LRRC7: variants seen among roughly 807,000 people sequenced by gnomAD.
LRRC7 encodes leucine-rich repeat-containing protein 7.
In LRRC7, 23 loss-of-function variants were observed where a neutral mutation model predicts 175.7. That is an observed-to-expected ratio of 0.13 (90% CI 0.09 to 0.19). LRRC7 has a LOEUF of 0.19. Ranked by LOEUF, LRRC7 falls within the 10% of genes least tolerant of loss-of-function variation. LRRC7 has a pLI of 1.00. For synonymous variants in LRRC7, 685 were observed against 680.9 expected, an observed-to-expected ratio of 1.01 and a Z score of -0.09; for missense variants, 1,354 against 1,904.7, an observed-to-expected ratio of 0.71 and a Z score of 5.38.
intron 2 of LRRC7, among the ~76,000 whole-genome samples, chr1:69,714,331 T>C (rs1361655695): frequency 6.6e-6 from 1 of 152,222 alleles, no homozygotes; most frequent in Non-Finnish European, 1.5e-5. Flanking sequence ...TACTCTACAA[T>C]ATACCATCCC....
At chr1:70,026,782 A>G (rs1417726486) in intron 17 of LRRC7, among the ~76,000 whole-genome samples, 1 of 152,166 alleles carries the variant, frequency 6.6e-6, no homozygotes, top group East Asian at 1.9e-4. Context: ...TAATAATTTT[A>G]TATCTTTAAT....
At chr1:69,610,273 G>A (rs1344951980) in intron 1 of LRRC7, among the ~76,000 whole-genome samples, 1 of 151,852 alleles carries the variant, frequency 6.6e-6, no homozygotes, top group Non-Finnish European at 1.5e-5. Flanking sequence ...TTTCTCCTGT[G>A]AACTGATGGT....
At chr1:70,036,673 A>C in intron 20 of LRRC7, 49 bp downstream of exon 20, 1 of 1,536,728 alleles carries the variant, frequency 6.5e-7, no homozygotes, top group Non-Finnish European at 8.8e-7. Context: ...ATTTTCAGCA[A>C]CTTTTTAAAA....
In LRRC7 at chr1:69,697,624, C is replaced by T. The variant is rs144653586; in HGVS notation, c.100+19146C>T. ...ACTAATGATAAAATTGTCCCATCTGCCCCAAAACAACTATTTGCTTAGGAA... is the reference window on the plus strand; with the variant it reads ...ACTAATGATAAAATTGTCCCATCTGTCCCAAAACAACTATTTGCTTAGGAA... On this transcript the variant is annotated intron_variant, in intron 2 of 26. Transcript: ENST00000651989. Among the ~76,000 whole-genome samples, 291 of 152,306 alleles carry T rather than the reference C, an allele frequency of 1.9e-3. 1 individual carries two copies. Among genetic ancestry groups the T allele is most frequent in the African/African-American group, 6.7e-3 (280 of 41,558 alleles).
chr1:69,732,800 A>T (rs1203990426), intron 2 of LRRC7, among the ~76,000 whole-genome samples: 1 of 152,074 alleles, frequency 6.6e-6, no homozygotes, highest in African/African-American at 2.4e-5. Context: ...TGGGGCTGCA[A>T]CTGACACACT....
intron 1 of LRRC7, among the ~76,000 whole-genome samples, chr1:69,649,807 A>G (rs1655519963): frequency 6.6e-6 from 1 of 152,102 alleles, no homozygotes; most frequent in African/African-American, 2.4e-5. Flanking sequence ...GACATTACAA[A>G]ACGGCTTAAG....
intron 8 of LRRC7, among the ~76,000 whole-genome samples, chr1:69,932,720 C>T (rs564075129): frequency 1.3e-5 from 2 of 152,292 alleles, no homozygotes; most frequent in African/African-American, 4.8e-5. Context: ...AATTGCTAGT[C>T]TCTCATGTTC....
intron 8 of LRRC7, among the ~76,000 whole-genome samples, chr1:69,934,932 C>A (rs911127519): frequency 3.4e-4 from 51 of 152,078 alleles, no homozygotes; most frequent in African/African-American, 1.2e-3. Flanking sequence ...CACTTAAGGC[C>A]CCAACAACTC....
At chr1:69,617,472 G>A (rs1375914170) in intron 1 of LRRC7, among the ~76,000 whole-genome samples, 5 of 133,624 alleles carry the variant, frequency 3.7e-5, no homozygotes, top group African/African-American at 1.4e-4. Flanking sequence ...TCATTTATAA[G>A]AAGAATGTAT....
At chr1:69,781,762 AG>A (rs1375711867) in intron 3 of LRRC7, among the ~76,000 whole-genome samples, 7 of 55,136 alleles carry the variant, frequency 1.3e-4, no homozygotes, top group Admixed American at 2.0e-4. Flanking sequence ...AGAGAGAGAG[AG>A]AGAAAGAAAG....
At chr1:69,900,772 A>G (rs1646112956) in intron 7 of LRRC7, among the ~76,000 whole-genome samples, 1 of 152,166 alleles carries the variant, frequency 6.6e-6, no homozygotes, top group Non-Finnish European at 1.5e-5. Flanking sequence ...TTTTCACACT[A>G]GGGATATGCA....
At chr1:69,948,922 T>TAG (rs1553179751) in intron 8 of LRRC7, among the ~76,000 whole-genome samples, 1 of 152,148 alleles carries the variant, frequency 6.6e-6, no homozygotes, top group Non-Finnish European at 1.5e-5. Flanking sequence ...TTACTCATAT[T>TAG]AGAAGTCAGT....
chr1:69,808,978 A>G (rs953519100), intron 4 of LRRC7, among the ~76,000 whole-genome samples: 3 of 152,174 alleles, frequency 2.0e-5, no homozygotes, highest in Non-Finnish European at 2.9e-5. Flanking sequence ...AAAAAAATCA[A>G]TGAATCCAGG....
intron 2 of LRRC7, among the ~76,000 whole-genome samples, chr1:69,739,290 G>A (rs1158609649): frequency 2.0e-5 from 3 of 152,044 alleles, no homozygotes; most frequent in African/African-American, 7.2e-5. Context: ...TGGCCTTGCT[G>A]GGGGCTCGCA....
At chr1:70,069,970 G>C (rs1281023637) in intron 23 of LRRC7, among the ~76,000 whole-genome samples, 3 of 151,882 alleles carry the variant, frequency 2.0e-5, no homozygotes, top group Non-Finnish European at 4.4e-5. Flanking sequence ...TATATCTTCT[G>C]TTTCTTTGCT....
intron 7 of LRRC7, among the ~76,000 whole-genome samples, chr1:69,850,844 T>A (rs1682897034): frequency 6.6e-6 from 1 of 152,132 alleles, no homozygotes; most frequent in Non-Finnish European, 1.5e-5. Context: ...ACATAAATCA[T>A]CTGCTCAGGG....
chr1:69,784,651 C>T (rs1419085400), intron 3 of LRRC7, among the ~76,000 whole-genome samples: 2 of 152,106 alleles, frequency 1.3e-5, no homozygotes, highest in Admixed American at 6.6e-5. Context: ...TCTTAAGTCG[C>T]ATGCTTAACT....
At chr1:69,666,439 C>T (rs531305964) in intron 1 of LRRC7, among the ~76,000 whole-genome samples, 8 of 152,104 alleles carry the variant, frequency 5.3e-5, no homozygotes, top group East Asian at 1.9e-4. Flanking sequence ...CGATACCATT[C>T]GGTCCTAGGC....
intron 3 of LRRC7, among the ~76,000 whole-genome samples, chr1:69,769,218 A>G (rs1165299468): frequency 2.0e-5 from 3 of 152,068 alleles, no homozygotes; most frequent in South Asian, 2.1e-4. Context: ...ATATTGTTTA[A>G]CTCCTTTGAG....
Sources: gnomAD v4.1 joint callset for allele counts (sites outside exome capture counted in the v4.1 genomes callset) on GRCh38, gnomAD v4.1.1 for gene constraint, MANE v1.5 for transcripts, NCBI Gene and HGNC (gene_info 2026-07-23, HGNC 2026-07-21) for gene names.